Variants in PLEKHA6 observed in about 807,000 individuals in gnomAD.
PLEKHA6 encodes pleckstrin homology domain-containing family A member 6.
Under a neutral mutation model 116.7 loss-of-function variants are expected in PLEKHA6, and 60 were observed. The ratio of observed to expected loss-of-function variants is 0.51; its 90% CI spans 0.42 to 0.64. The LOEUF (loss-of-function observed/expected upper bound fraction) is 0.64, where lower values mean the gene tolerates loss of function less well. Ranked by LOEUF, PLEKHA6 falls within the 30% of genes least tolerant of loss-of-function variation. The pLI is 0.00. For synonymous variants in PLEKHA6, 489 were observed against 556.1 expected (o/e 0.88, Z 1.70); for missense variants, 1,338 against 1,422.7 (o/e 0.94, Z 0.96).
chr1:204,284,767 T>C (rs1406291087), intron 1 of PLEKHA6, among the ~76,000 whole-genome samples: 1 of 151,946 alleles, frequency 6.6e-6, no homozygotes, highest in African/African-American at 2.4e-5. Flanking sequence ...GGTCTCAGAG[T>C]CAGGAGTCTT....
intron 3 of PLEKHA6, among the ~76,000 whole-genome samples, chr1:204,365,242 G>A (rs927267825): frequency 1.3e-5 from 2 of 152,138 alleles, no homozygotes; most frequent in Admixed American, 6.5e-5. Context: ...TGTAAGTGAC[G>A]GGTAACATGC....
At chr1:204,258,872 G>A (rs984919311) in intron 8 of PLEKHA6, among the ~76,000 whole-genome samples, 5 of 152,208 alleles carry the variant, frequency 3.3e-5, no homozygotes, top group African/African-American at 1.2e-4. Context: ...AGTCTCAAGT[G>A]GGTGGAGCAC....
At chr1:204,375,629 C>T (rs112725747) in intron 1 of PLEKHA6, among the ~76,000 whole-genome samples, 1,942 of 152,194 alleles carry the variant, frequency 0.013, 40 homozygotes, top group African/African-American at 0.042. Flanking sequence ...CTCAAATCAT[C>T]GCTCAGGAAG....
At chr1:204,347,518 C>T (rs965784310) in intron 1 of PLEKHA6, among the ~76,000 whole-genome samples, 2 of 150,780 alleles carry the variant, frequency 1.3e-5, no homozygotes, top group East Asian at 3.9e-4. Context: ...TCCTCCTCGG[C>T]TTACGAGATG....
intron 17 of PLEKHA6, among the ~76,000 whole-genome samples, chr1:204,231,129 G>A (rs1390822688): frequency 6.6e-6 from 1 of 152,146 alleles, no homozygotes; most frequent in Non-Finnish European, 1.5e-5. Context: ...TACTGGGAAG[G>A]GGTTGCTGCT....
At chr1:204,357,874 A>T (rs1342250955) in intron 1 of PLEKHA6, among the ~76,000 whole-genome samples, 1 of 152,218 alleles carries the variant, frequency 6.6e-6, no homozygotes. Context: ...GGGGGCTCTG[A>T]TGTCAGCCCG....
intron 1 of PLEKHA6, among the ~76,000 whole-genome samples, chr1:204,298,221 C>T (rs1670474636): frequency 6.6e-6 from 1 of 152,216 alleles, no homozygotes; most frequent in South Asian, 2.1e-4. Flanking sequence ...TCAATCCTAA[C>T]CTAAGCAAGA....
Position 204,279,583 on chromosome 1 carries a change from T to C in PLEKHA6, c.-94-4774A>G, listed in dbSNP as rs141906731. On this transcript the variant is annotated intron_variant, in intron 1 of 22. Coordinates refer to ENST00000272203, the MANE Select transcript of PLEKHA6 (RefSeq NM_014935.5). ...ATGAATACATACCCAAATGGACCTT[T>C]CAAATTCCACCCAAGAGAAGGGAAA... is the stretch of plus-strand genomic sequence containing the variant. Among the ~76,000 whole-genome samples, 308 of 152,298 alleles carry C rather than the reference T, an allele frequency of 2.0e-3. 1 individual carries two copies. Among genetic ancestry groups the C allele is most frequent in the African/African-American group, 6.3e-3 (262 of 41,556 alleles).
At chr1:204,323,361 G>C (rs989541365) in intron 1 of PLEKHA6, among the ~76,000 whole-genome samples, 1 of 152,218 alleles carries the variant, frequency 6.6e-6, no homozygotes, top group Non-Finnish European at 1.5e-5. Context: ...TGGAGACACT[G>C]AGGCTCAGAA....
At chr1:204,310,015 A>G (rs1032738187) in intron 1 of PLEKHA6, among the ~76,000 whole-genome samples, 2 of 152,066 alleles carry the variant, frequency 1.3e-5, no homozygotes, top group Non-Finnish European at 2.9e-5. Flanking sequence ...GTCACAAAAC[A>G]TCATTCTCCT....
intron 9 of PLEKHA6, among the ~76,000 whole-genome samples, chr1:204,250,832 G>A (rs545765770): frequency 1.7e-4 from 26 of 152,282 alleles, no homozygotes; most frequent in South Asian, 4.1e-4. Context: ...GGCTGACTCC[G>A]GAGAGATCAG....
intron 1 of PLEKHA6, among the ~76,000 whole-genome samples, chr1:204,373,644 C>T (rs531607473): frequency 2.0e-5 from 3 of 152,040 alleles, no homozygotes; most frequent in Non-Finnish European, 2.9e-5. Context: ...GCTGAACTTA[C>T]GGGTTGTTTT....
chr1:204,255,417 T>C lies in PLEKHA6; in HGVS notation c.1524+1936A>G, dbSNP rs531527685. On this transcript the variant is annotated intron_variant, in intron 9 of 22. Transcript: ENST00000272203. Reference sequence around the variant, plus strand: ...TAATTATTCATGTGCCTACTTATTATGCTTCTTTCCCCAGGAAACTCCCAG... The same window carrying C: ...TAATTATTCATGTGCCTACTTATTACGCTTCTTTCCCCAGGAAACTCCCAG... Among the ~76,000 whole-genome samples, 9 of 152,348 alleles carry C rather than the reference T, an allele frequency of 5.9e-5. 1 individual carries two copies. In the South Asian group the frequency reaches 1.9e-3, roughly 32 times the overall value.
chr1:204,277,448 C>T lies in PLEKHA6; in HGVS notation c.-94-2639G>A, dbSNP rs955383442. On this transcript the variant is annotated intron_variant, in intron 1 of 22. Transcript: ENST00000272203. This position sits in a 1 kb window ranked among gnomAD's most constrained non-coding sequence, Gnocchi z 4.1. ...GTCCGACCTCAGTGAGCTAAGGACG[C>T]AGAGTAGCTGGACGGGTGAAGGAGT... is the stretch of plus-strand genomic sequence containing the variant. Among the ~76,000 whole-genome samples the T allele has an allele frequency of 4.6e-5, 7 of 152,314 alleles. No homozygotes were observed. The highest frequency in any genetic ancestry group is 1.0e-4 in the Non-Finnish European group (7 of 68,022).
intron 1 of PLEKHA6, among the ~76,000 whole-genome samples, chr1:204,350,557 A>G (rs1248926636): frequency 6.6e-6 from 1 of 152,174 alleles, no homozygotes; most frequent in Non-Finnish European, 1.5e-5. Context: ...CACCAAATCA[A>G]AAATCACTAT....
intron 1 of PLEKHA6, among the ~76,000 whole-genome samples, chr1:204,342,710 T>C (rs908555549): frequency 3.1e-4 from 47 of 152,192 alleles, no homozygotes; most frequent in African/African-American, 1.0e-3. Context: ...GATTATGCTG[T>C]GGGCATCTGT....
intron 3 of PLEKHA6, among the ~76,000 whole-genome samples, chr1:204,366,912 A>G (rs1447247646): frequency 6.6e-6 from 1 of 152,222 alleles, no homozygotes; most frequent in African/African-American, 2.4e-5. Context: ...AGGGACGGAA[A>G]GGGGATGAGA....
chr1:204,340,148 G>C (rs1019348978), intron 1 of PLEKHA6, among the ~76,000 whole-genome samples: 1 of 152,170 alleles, frequency 6.6e-6, no homozygotes. Context: ...AACATGTTCT[G>C]TCACCCAGGA....
chr1:204,265,109 T>TGG (rs1450995104), intron 5 of PLEKHA6, 67 bp from the exon 6 acceptor site: 1 of 1,057,388 alleles, frequency 9.5e-7, no homozygotes, highest in South Asian at 1.3e-5. Context: ...GCGCCAGGGG[T>TGG]GGGGAGGAGT....
Sources: allele counts gnomAD v4.1 joint callset (sites outside exome capture counted in the v4.1 genomes callset), GRCh38; gene constraint gnomAD v4.1.1; non-coding constraint Gnocchi (gnomAD v3.1); transcripts MANE v1.5; gene names NCBI Gene and HGNC (gene_info 2026-07-23, HGNC 2026-07-21).